Variants in GRIP2 observed in about 807,000 individuals in gnomAD.
GRIP2 encodes glutamate receptor interacting protein 2, also known as glutamate receptor-interacting protein 2.
GRIP2 carries 58 observed loss-of-function variants against 108.3 expected under a neutral mutation model. The observed-to-expected ratio is 0.54, with a 90% CI of 0.43 to 0.67. The LOEUF is 0.67. Among genes scored for constraint, GRIP2 ranks in the 30% least tolerant of loss-of-function variants. The probability of loss-of-function intolerance (pLI) is 0.00; values close to 1 mark genes in which losing one functional copy is unlikely to be tolerated. For missense variants in GRIP2, 1,278 were observed against 1,430.6 expected (o/e 0.89, Z 1.72); for synonymous variants, 586 against 598.2 (o/e 0.98, Z 0.30).
At chr3:14,537,989 G>C (rs907777470) in intron 1 of GRIP2, among the ~76,000 whole-genome samples, 5 of 152,248 alleles carry the variant, frequency 3.3e-5, no homozygotes, top group Admixed American at 6.5e-5. Flanking sequence ...GGCCAATGGA[G>C]ATAGGTCACA....
chr3:14,576,827 T>A, the GRIP2 span, among the ~76,000 whole-genome samples: 1 of 152,226 alleles, frequency 6.6e-6, no homozygotes, highest in African/African-American at 2.4e-5. Flanking sequence ...CTTTGATGAC[T>A]GTAAGGAAGC....
upstream of GRIP2, among the ~76,000 whole-genome samples, chr3:14,544,623 G>T (rs112832925): frequency 1.3e-5 from 2 of 152,226 alleles, no homozygotes; most frequent in African/African-American, 4.8e-5. Flanking sequence ...GGCAATTCAA[G>T]GACAAGAGAG....
In GRIP2 at chr3:14,526,531, CTGAGA is replaced by C. The variant is rs1421371227; in HGVS notation, c.41-605_41-601del. 3.3e-5 allele frequency among the ~76,000 whole-genome samples: 5 copies of C among 152,324 alleles called. No individual in the cohort carries two copies. The East Asian group carries it at 9.6e-4, about 29-fold the overall frequency. On this transcript the variant is annotated intron_variant, in intron 1 of 23. Transcript: ENST00000621039. ...CACATTCTCAGGCGTTCTAGGCAGC[CTGAGA>C]TAAGTCTGTCCTCCTTCACTCTAAT...
In GRIP2 at chr3:14,511,435, T is replaced by C; in HGVS notation, c.1765A>G (p.Lys589Glu). Residue 589 changes from lysine (K) to glutamate (E), a missense_variant, in exon 15 of 24, where the codon AAG (lysine) becomes GAG (glutamate). Coordinates refer to ENST00000621039, the MANE Select transcript of GRIP2 (RefSeq NM_001080423.4). The surrounding 1 kb of genome is among the most constrained non-coding windows in gnomAD (Gnocchi z 4.1). The stretch of plus-strand genomic sequence containing the variant: ...TACCTGTGTGCCACGCTGCCTTTCT[T>C]GATGTCGGAGATGATCAAGGGCTCC... ...RGEPLIISDI[K>E]KGSVAHRTGT... 6.2e-6 allele frequency: 10 copies of C among 1,613,910 alleles called. No homozygotes were observed. Among genetic ancestry groups the C allele is most frequent in the Non-Finnish European group, 7.6e-6 (9 of 1,179,872 alleles).
At chr3:14,584,063 C>T in the GRIP2 span, among the ~76,000 whole-genome samples, 17 of 152,346 alleles carry the variant, frequency 1.1e-4, no homozygotes, top group African/African-American at 4.1e-4. Context: ...TTGCCATCTG[C>T]ATTTTATAGA....
At chr3:14,557,408 C>T (rs1226221777), upstream of GRIP2, among the ~76,000 whole-genome samples, 1 of 152,218 alleles carries the variant, frequency 6.6e-6, no homozygotes, top group Non-Finnish European at 1.5e-5. Flanking sequence ...GCTCCAGGCT[C>T]AGAGGCCCCA....
intron 19 of GRIP2, 110 bp downstream of exon 19, chr3:14,506,691 G>A: frequency 9.4e-7 from 1 of 1,062,352 alleles, no homozygotes; most frequent in Non-Finnish European, 1.3e-6. Context: ...AGGATGCCAG[G>A]AGAGGAGCGC....
chr3:14,533,894 C>T (rs942276761), intron 1 of GRIP2, among the ~76,000 whole-genome samples: 3 of 152,166 alleles, frequency 2.0e-5, no homozygotes, highest in African/African-American at 7.2e-5. Flanking sequence ...GACTTGACTG[C>T]GTGCTGCAAA....
rs780946796 is a variant in GRIP2, at chr3:14,509,917, G to A, written c.1981C>T (p.Arg661Cys). The change falls in exon 17 of 24, where the codon CGC becomes TGC. Residue 661 changes from arginine to cysteine, a missense_variant. By Grantham distance (180) the Arg-to-Cys change is radical. Coordinates refer to ENST00000621039, the MANE Select transcript of GRIP2 (RefSeq NM_001080423.4). ...GTGATGCCCAGGGGACCCCCGTAGC[G>A]CTTCAGCTCCACTGTGTAACTGACG... Reference protein sequence around the residue: ...GAVSYTVELKRYGGPLGITIS... With the variant: ...GAVSYTVELKCYGGPLGITIS... The A allele has an allele frequency of 2.6e-5, 41 of 1,551,214 alleles. No individual in the cohort carries two copies. In the East Asian group the frequency reaches 6.1e-4, roughly 23 times the overall value.
rs754924241 is a variant in GRIP2 at position 14,521,608 on chromosome 3, T to C, written c.712+34A>G. ...CCTCCCCCCATCCCAGGCCTCCTCCTGCCCCAACCCACACACTCAGGCCCC... is the reference window on the plus strand; with the variant it reads ...CCTCCCCCCATCCCAGGCCTCCTCCCGCCCCAACCCACACACTCAGGCCCC... On this transcript the variant is annotated intron_variant, in intron 7 of 23. Coordinates refer to ENST00000621039, the MANE Select transcript of GRIP2 (RefSeq NM_001080423.4). This position sits in a 1 kb window ranked among gnomAD's most constrained non-coding sequence, Gnocchi z 5.1. 3.8e-6 allele frequency: 6 copies of C among 1,572,138 alleles called. No homozygotes were observed. In the African/African-American group the frequency reaches 8.1e-5, roughly 21 times the overall value.
the GRIP2 span, among the ~76,000 whole-genome samples, chr3:14,599,809 A>G: frequency 6.6e-6 from 1 of 151,748 alleles, no homozygotes; most frequent in Non-Finnish European, 1.5e-5. Context: ...CCCTCAGATA[A>G]CAGAAGTTCA....
the GRIP2 span, among the ~76,000 whole-genome samples, chr3:14,588,846 C>A: frequency 2.6e-5 from 4 of 152,182 alleles, no homozygotes; most frequent in Admixed American, 1.3e-4. Context: ...GATTCCCCAG[C>A]AAGCTTCTAG....
chr3:14,536,992 T>C (rs1342688214), intron 1 of GRIP2, among the ~76,000 whole-genome samples: 1 of 152,180 alleles, frequency 6.6e-6, no homozygotes, highest in Non-Finnish European at 1.5e-5. Context: ...ACTGTTATTC[T>C]CCCCATTTTA....
intron 1 of GRIP2, among the ~76,000 whole-genome samples, chr3:14,526,937 A>G (rs1415114081): frequency 6.6e-6 from 1 of 152,174 alleles, no homozygotes; most frequent in Non-Finnish European, 1.5e-5. Flanking sequence ...CTGTAATCTC[A>G]ACACTTTGGG....
At chr3:14,529,995 G>T (rs1694667131) in intron 1 of GRIP2, among the ~76,000 whole-genome samples, 1 of 152,026 alleles carries the variant, frequency 6.6e-6, no homozygotes, top group African/African-American at 2.4e-5. Context: ...ATACCTCCAT[G>T]GTATTGTAAA....
In GRIP2 at chr3:14,525,538, G is replaced by A; in HGVS notation, c.156C>T (p.Ile52=). The change falls in exon 3 of 24, where the codon ATC becomes ATT. Residue 52 remains isoleucine, a synonymous_variant. Transcript: ENST00000621039. ...EFRGITVVEL[I]KKEGSTLGLT... ...GGCCCAGCGTGCTGCCTTCTTTCTT[G>A]ATCAGCTCCACCACAGTGATCCCTC... 6.2e-7 allele frequency: 1 copy of A among 1,613,824 alleles called. No individual in the cohort carries two copies. The highest frequency in any genetic ancestry group is 8.5e-7 in the Non-Finnish European group (1 of 1,179,874).
rs1268936571 is a variant in GRIP2 at position 14,549,207 on chromosome 3, T to C, written c.55+6693A>G. Among the ~76,000 whole-genome samples, 3 of 152,208 alleles carry C rather than the reference T, an allele frequency of 2.0e-5. No individual in the cohort carries two copies. In the East Asian group the frequency reaches 5.8e-4, roughly 29 times the overall value. ...TCTGAATTGCCATATTGGAAAGAAA[T>C]CAACAATTCATCCCTTCTAACACTG... On this transcript the variant is annotated intron_variant, in intron 1 of 23. Coordinates refer to the GRIP2 transcript ENST00000637182.
At chr3:14,548,979 C>T (rs1024153698) in intron 1 of GRIP2, among the ~76,000 whole-genome samples, 1 of 152,180 alleles carries the variant, frequency 6.6e-6, no homozygotes, top group Non-Finnish European at 1.5e-5. Context: ...GGGTGTGTCT[C>T]CTTTACCTCC....
At chr3:14,562,765 A>G in the GRIP2 span, among the ~76,000 whole-genome samples, 1 of 152,108 alleles carries the variant, frequency 6.6e-6, no homozygotes, top group Non-Finnish European at 1.5e-5. Flanking sequence ...ACTCCCGGAC[A>G]GGTCTCAGCA....
Sources: allele counts gnomAD v4.1 joint callset (sites outside exome capture counted in the v4.1 genomes callset), GRCh38; gene constraint gnomAD v4.1.1; non-coding constraint Gnocchi (gnomAD v3.1); transcripts MANE v1.5; gene names NCBI Gene and HGNC (gene_info 2026-07-23, HGNC 2026-07-21).